ROS1: variants seen among roughly 807,000 people sequenced by gnomAD.
ROS1 encodes proto-oncogene tyrosine-protein kinase ROS.
ROS1 carries 263 observed loss-of-function variants against 273.5 expected under a neutral mutation model. The observed-to-expected ratio is 0.96, with a 90% confidence interval of 0.87 to 1.06. The LOEUF (loss-of-function observed/expected upper bound fraction) is 1.06. ROS1 is among the 50% of genes least tolerant of loss of function. The probability of loss-of-function intolerance (pLI) is 0.00; values close to 1 mark genes in which losing one functional copy is unlikely to be tolerated. For synonymous variants in ROS1, 1,008 were observed against 954.1 expected, an observed-to-expected ratio of 1.06 and a Z score of -1.04; for missense variants, 2,833 against 2,751.1, an observed-to-expected ratio of 1.03 and a Z score of -0.67.
chr6:117,393,607 C>A (rs1773247932), intron 11 of ROS1, among the ~76,000 whole-genome samples: 1 of 152,182 alleles, frequency 6.6e-6, no homozygotes, highest in African/African-American at 2.4e-5. Context: ...TATGCACTTT[C>A]AACCACAGCA....
rs752884684 is a variant in ROS1, at chr6:117,344,235, T to C, written c.4331A>G (p.Asp1444Gly). Reference protein sequence around the residue: ...PDKAFLSLASDTVEPTILNAT... With the variant: ...PDKAFLSLASGTVEPTILNAT... Reference sequence around the variant, plus strand: ...ATTAAGTATAGTTGGTTCCACAGTGTCTGAAGCTAGAGACAGAAACGCTTT... The same window carrying C: ...ATTAAGTATAGTTGGTTCCACAGTGCCTGAAGCTAGAGACAGAAACGCTTT... The change falls in exon 28 of 44, where the codon GAC becomes GGC. Residue 1444 changes from aspartate (D) to glycine (G), a missense_variant. By Grantham distance (94) the Asp-to-Gly change is moderately conservative (BLOSUM62 -1). Coordinates refer to ENST00000368507, the MANE Select transcript of ROS1 (RefSeq NM_001378902.1). 6.1e-5 allele frequency: 98 copies of C among 1,613,772 alleles called. No homozygotes were observed. The highest frequency in any genetic ancestry group is 8.1e-5 in the Non-Finnish European group (96 of 1,179,876).
In ROS1 at chr6:117,319,899, A is replaced by C. The variant is rs371159504; in HGVS notation, c.5891T>G (p.Val1964Gly). The C allele has an allele frequency of 3.1e-6, 5 of 1,612,936 alleles. No individual in the cohort carries two copies. Among genetic ancestry groups the C allele is most frequent in the African/African-American group, 1.3e-5 (1 of 74,746 alleles). ...YEGTAVDILG[V>G]GSGEIKVAVK... Reference sequence around the variant, plus strand: ...TGCTACTTTGATTTCTCCACTTCCAACTCCTAAGATGTCCACTGCTGTTCC... The same window carrying C: ...TGCTACTTTGATTTCTCCACTTCCACCTCCTAAGATGTCCACTGCTGTTCC... Residue 1964 changes from valine to glycine, a missense_variant, in exon 37 of 44, where the codon GTT becomes GGT. Transcript: ENST00000368507.
intron 18 of ROS1, among the ~76,000 whole-genome samples, chr6:117,373,322 G>A (rs1298567681): frequency 3.3e-5 from 5 of 152,236 alleles, no homozygotes; most frequent in South Asian, 2.1e-4. Flanking sequence ...CAATGGGATC[G>A]GGCGCCACGG....
chr6:117,394,193 TA>T lies in ROS1; in HGVS notation c.1159del (p.Tyr387IlefsTer17). 1 of 1,596,618 alleles carries T rather than the reference TA, an allele frequency of 6.3e-7. No individual in the cohort carries two copies. The highest frequency in any genetic ancestry group is 8.5e-7 in the Non-Finnish European group (1 of 1,172,938). On this transcript the variant is annotated frameshift_variant, in exon 11 of 44. Coordinates refer to ENST00000368507, the MANE Select transcript of ROS1 (RefSeq NM_001378902.1). LOFTEE classifies it high-confidence loss of function. ...LISSISIDWL[Y>X]QRMYFIMDEL... ...ATCCATGATGAAATACATTCTTTGATAAAGCCAATCTATGGAGATAGAAGAA... is the reference window on the plus strand; with the variant it reads ...ATCCATGATGAAATACATTCTTTGATAAGCCAATCTATGGAGATAGAAGAA...
At position 117,326,246 on chromosome 6, in the gene ROS1, A is replaced by T. The variant is rs2128581633; in HGVS notation, c.5517T>A (p.Ser1839Arg). The change falls in exon 34 of 44, where the codon AGT (serine) becomes AGA (arginine). Residue 1839 changes from serine to arginine, a missense_variant. Coordinates refer to ENST00000368507, the MANE Select transcript of ROS1 (RefSeq NM_001378902.1). ...NLGFGEYSGISENIILVGDDF... is the reference protein window; with the variant it reads ...NLGFGEYSGIRENIILVGDDF... ...TACCTCCAACTAATATAATATTCTC[A>T]CTGATTCCACTATATTCACCAAACC... 1 of 1,598,758 alleles carries T rather than the reference A, an allele frequency of 6.3e-7. No individual in the cohort carries two copies. Among genetic ancestry groups the T allele is most frequent in the African/African-American group, 1.3e-5 (1 of 74,198 alleles).
intron 36 of ROS1, among the ~76,000 whole-genome samples, chr6:117,320,635 C>T (rs1320516146): frequency 6.6e-6 from 1 of 152,150 alleles, no homozygotes; most frequent in Admixed American, 6.6e-5. Context: ...AGGAAAGTCA[C>T]CTCTAAACAG....
intron 34 of ROS1, among the ~76,000 whole-genome samples, chr6:117,325,689 A>T (rs922852891): frequency 2.0e-5 from 3 of 152,158 alleles, no homozygotes; most frequent in African/African-American, 4.8e-5. Context: ...ATCAGAGAAA[A>T]ATCAAGATGG....
At chr6:117,385,386 C>T (rs1397400332) in intron 16 of ROS1, among the ~76,000 whole-genome samples, 2 of 152,118 alleles carry the variant, frequency 1.3e-5, no homozygotes, top group Non-Finnish European at 2.9e-5. Context: ...GAAACCCCAT[C>T]TCCACTGAAA....
At chr6:117,368,034 A>C (rs1780415424) in intron 18 of ROS1, among the ~76,000 whole-genome samples, 3 of 152,134 alleles carry the variant, frequency 2.0e-5, no homozygotes, top group Admixed American at 2.0e-4. Flanking sequence ...TACTACTCAC[A>C]ACTGTATGTT....
intron 7 of ROS1, among the ~76,000 whole-genome samples, chr6:117,400,494 A>G (rs1773849137): frequency 6.6e-6 from 1 of 152,240 alleles, no homozygotes; most frequent in Non-Finnish European, 1.5e-5. Context: ...TTCAGAGGAC[A>G]GCAGCTCAGA....
intron 32 of ROS1, among the ~76,000 whole-genome samples, chr6:117,334,132 G>A (rs1777294150): frequency 6.6e-6 from 1 of 152,140 alleles, no homozygotes; most frequent in South Asian, 2.1e-4. Flanking sequence ...GAACTGATAA[G>A]CAACTTCAGC....
At position 117,288,534 on chromosome 6, in the gene ROS1, A is replaced by T. The variant is rs2128520580; in HGVS notation, c.6984T>A (p.Tyr2328Ter). Residue 2328 changes from tyrosine (Y) to a stop codon, truncating the protein, a stop_gained, in exon 44 of 44, where the codon TAT (tyrosine) becomes TAA (stop). Coordinates refer to ENST00000368507, the MANE Select transcript of ROS1 (RefSeq NM_001378902.1). LOFTEE classifies it high-confidence loss of function. ...CPSGKPEGLN[Y>*]ACLTHSGYGD... The stretch of plus-strand genomic sequence containing the variant: ...CATATCCACTGTGAGTGAGACAGGC[A>T]TAGTTCAGGCCTTCAGGCTTGCCAG... The T allele has an allele frequency of 6.2e-7, 1 of 1,614,144 alleles. No homozygotes were observed. Among genetic ancestry groups the T allele is most frequent in the South Asian group, 1.1e-5 (1 of 91,078 alleles).
chr6:117,363,266 G>A (rs565412745), intron 21 of ROS1, among the ~76,000 whole-genome samples: 6 of 152,244 alleles, frequency 3.9e-5, no homozygotes, highest in Non-Finnish European at 7.4e-5. Context: ...ATGGCAGTAA[G>A]TCCCACCAGC....
At chr6:117,295,218 C>T (rs1235795591) in intron 43 of ROS1, among the ~76,000 whole-genome samples, 2 of 152,082 alleles carry the variant, frequency 1.3e-5, no homozygotes, top group Non-Finnish European at 2.9e-5. Flanking sequence ...TACAAAGATG[C>T]CAAGAACATC....
intron 28 of ROS1, among the ~76,000 whole-genome samples, chr6:117,342,968 C>A (rs1582678432): frequency 6.6e-6 from 1 of 152,260 alleles, no homozygotes. Flanking sequence ...CAATGGTTCT[C>A]AACTTTGTTT....
chr6:117,343,555 G>T (rs974675452), intron 28 of ROS1, among the ~76,000 whole-genome samples: 4 of 152,098 alleles, frequency 2.6e-5, no homozygotes, highest in African/African-American at 9.7e-5. Flanking sequence ...TAGGTGCTAG[G>T]CATACAATGA....
chr6:117,294,218 G>A (rs1774042385), intron 43 of ROS1, among the ~76,000 whole-genome samples: 1 of 152,080 alleles, frequency 6.6e-6, no homozygotes, highest in African/African-American at 2.4e-5. Context: ...ATGGAGGAAA[G>A]TTGAAAACAT....
chr6:117,425,470 A>C, intron 1 of ROS1, 64 bp downstream of exon 1: 1 of 1,479,170 alleles, frequency 6.8e-7, no homozygotes, highest in Non-Finnish European at 9.0e-7. Flanking sequence ...TCTATCAGTT[A>C]TAACAAGCTG....
intron 7 of ROS1, among the ~76,000 whole-genome samples, 154 bp downstream of exon 7, chr6:117,402,985 C>T (rs1305516633): frequency 6.6e-6 from 1 of 151,928 alleles, no homozygotes; most frequent in Non-Finnish European, 1.5e-5. Flanking sequence ...ATTGTGAGTA[C>T]CTAGAATACT....
Sources: allele counts gnomAD v4.1 joint callset (sites outside exome capture counted in the v4.1 genomes callset), GRCh38; gene constraint gnomAD v4.1.1; transcripts MANE v1.5; gene names NCBI Gene and HGNC (gene_info 2026-07-23, HGNC 2026-07-21).